CSMD1: variants seen among roughly 807,000 people sequenced by gnomAD.
CSMD1 encodes the protein CUB and Sushi multiple domains 1, also known as CUB and sushi domain-containing protein 1.
In CSMD1, 213 loss-of-function variants were observed where a neutral mutation model predicts 417.5. The observed-to-expected ratio is 0.51, with a 90% CI of 0.46 to 0.57. The LOEUF is 0.57. Among genes scored for constraint, CSMD1 ranks in the 20% least tolerant of loss-of-function variants. CSMD1 has a pLI of 0.00. For missense variants in CSMD1, 6,923 were observed against 4,529.7 expected (o/e 1.53, Z -15.17); for synonymous variants, 2,862 against 1,736.8 (o/e 1.65, Z -16.11).
At chr8:3,236,492 C>A (rs968480564) in intron 26 of CSMD1, among the ~76,000 whole-genome samples, 1 of 152,130 alleles carries the variant, frequency 6.6e-6, no homozygotes, top group Admixed American at 6.5e-5. Flanking sequence ...TCGGTTGGGT[C>A]TTTGAAACAA....
chr8:3,667,902 A>C (rs973829148), intron 7 of CSMD1, among the ~76,000 whole-genome samples: 1 of 151,938 alleles, frequency 6.6e-6, no homozygotes, highest in African/African-American at 2.4e-5. Flanking sequence ...ATCATCAAAG[A>C]CTCTGTATGT....
chr8:4,432,111 G>T (rs550087991), intron 2 of CSMD1, among the ~76,000 whole-genome samples: 5 of 152,110 alleles, frequency 3.3e-5, no homozygotes, highest in African/African-American at 1.2e-4. Context: ...AGTTCAAAAA[G>T]GTGATTATAT....
intron 3 of CSMD1, among the ~76,000 whole-genome samples, chr8:4,322,602 T>C (rs1013815924): frequency 1.3e-5 from 2 of 152,194 alleles, no homozygotes; most frequent in African/African-American, 4.8e-5. Context: ...AAAGACATGT[T>C]GTAGAAGCAG....
intron 1 of CSMD1, among the ~76,000 whole-genome samples, chr8:4,741,467 C>G (rs1048800088): frequency 6.6e-6 from 1 of 152,076 alleles, no homozygotes; most frequent in African/African-American, 2.4e-5. Context: ...ATATTTATGT[C>G]TTTCATAAAC....
In CSMD1 at chr8:4,687,226, C is replaced by G. The variant is rs928354437; in HGVS notation, c.86-49668G>C. On this transcript the variant is annotated intron_variant, in intron 1 of 69. Coordinates refer to ENST00000635120, the MANE Select transcript of CSMD1 (RefSeq NM_033225.6). ...AAGAGGCTTTCTGATGACTGCATCT[C>G]CAGGCCCCTGGTAGCCACAGGATGC... Among the ~76,000 whole-genome samples the G allele has an allele frequency of 2.6e-5, 4 of 152,266 alleles. 1 individual carries two copies. The Middle Eastern group carries it at 0.014, about 518-fold the overall frequency.
rs1166510789 is a variant in CSMD1, at chr8:4,312,441, A to G, written c.415+107512T>C. Among the ~76,000 whole-genome samples, 165 of 115,390 alleles carry G rather than the reference A, an allele frequency of 1.4e-3. 1 individual carries two copies. Among genetic ancestry groups the G allele is most frequent in the Non-Finnish European group, 1.9e-3 (112 of 60,024 alleles). The allele number at this position is 115,390 out of a possible 152,430, so 75.7% of individuals were successfully genotyped here. A position where few individuals can be genotyped will look rare whatever the true frequency, so the allele number is the denominator to read the frequency against. Reference sequence around the variant, plus strand: ...TATATGCGCGTATATATATATGCGTATATATATACGTATATATATGCGCGT... The same window carrying G: ...TATATGCGCGTATATATATATGCGTGTATATATACGTATATATATGCGCGT... On this transcript the variant is annotated intron_variant, in intron 3 of 69. Transcript: ENST00000635120.
At chr8:4,733,940 C>G (rs937504124) in intron 1 of CSMD1, among the ~76,000 whole-genome samples, 8 of 152,110 alleles carry the variant, frequency 5.3e-5, no homozygotes, top group Admixed American at 5.2e-4. Context: ...TGGTAATTAG[C>G]AAGAGGCTGT....
intron 3 of CSMD1, among the ~76,000 whole-genome samples, chr8:4,318,948 C>T (rs950921486): frequency 2.0e-5 from 3 of 152,042 alleles, no homozygotes; most frequent in African/African-American, 7.2e-5. Flanking sequence ...TTATTAAAAA[C>T]AAAATGAAAG....
intron 7 of CSMD1, among the ~76,000 whole-genome samples, chr8:3,648,658 T>G (rs1264116406): frequency 6.6e-6 from 1 of 152,192 alleles, no homozygotes; most frequent in African/African-American, 2.4e-5. Flanking sequence ...CTGACCTTAC[T>G]TTGAAACATA....
At chr8:4,043,315 G>C (rs532282042) in intron 3 of CSMD1, among the ~76,000 whole-genome samples, 1 of 151,978 alleles carries the variant, frequency 6.6e-6, no homozygotes, top group Admixed American at 6.6e-5. Context: ...AACATAAAAA[G>C]AAGAGGAAAA....
At chr8:4,392,382 A>C (rs1003803987) in intron 3 of CSMD1, among the ~76,000 whole-genome samples, 1 of 152,162 alleles carries the variant, frequency 6.6e-6, no homozygotes, top group African/African-American at 2.4e-5. Context: ...AATAGAGATT[A>C]AAATCAGAGA....
At chr8:3,325,593 G>C (rs920392353) in intron 23 of CSMD1, among the ~76,000 whole-genome samples, 1 of 152,202 alleles carries the variant, frequency 6.6e-6, no homozygotes, top group African/African-American at 2.4e-5. Context: ...GGAGGCCGAG[G>C]CGGGCAAATG....
At chr8:4,301,786 C>T (rs1403483122) in intron 3 of CSMD1, among the ~76,000 whole-genome samples, 1 of 152,166 alleles carries the variant, frequency 6.6e-6, no homozygotes, top group Non-Finnish European at 1.5e-5. Flanking sequence ...TAATTGTAAA[C>T]TCTTGATTTT....
At chr8:4,239,871 A>G (rs1563321839) in intron 3 of CSMD1, among the ~76,000 whole-genome samples, 1 of 152,228 alleles carries the variant, frequency 6.6e-6, no homozygotes, top group Non-Finnish European at 1.5e-5. Flanking sequence ...AAAACAAAGT[A>G]TCCTTATCCT....
At chr8:4,055,841 C>G (rs1018689075) in intron 3 of CSMD1, among the ~76,000 whole-genome samples, 1 of 152,060 alleles carries the variant, frequency 6.6e-6, no homozygotes, top group Non-Finnish European at 1.5e-5. Context: ...AGTTGATTTT[C>G]TTTTTTACTA....
At chr8:4,424,980 G>A (rs542025565) in intron 2 of CSMD1, among the ~76,000 whole-genome samples, 1 of 151,994 alleles carries the variant, frequency 6.6e-6, no homozygotes, top group Non-Finnish European at 1.5e-5. Context: ...AAATAATCTA[G>A]TAACCAAAAT....
rs147294292 is a variant in CSMD1 at position 3,510,858 on chromosome 8, T to G, written c.1345-17132A>C. ...TTCCCCCACTTTTTGATGGGGTTGT[T>G]TTTTCCTTGTAAATTTGTTTAAGTT... On this transcript the variant is annotated intron_variant, in intron 10 of 69. Transcript: ENST00000635120. Among the ~76,000 whole-genome samples the G allele has an allele frequency of 5.2e-3, 797 of 151,926 alleles. 9 individuals carry two copies. The highest frequency in any genetic ancestry group is 7.8e-3 in the Non-Finnish European group (533 of 68,028).
At chr8:3,377,031 CAG>C (rs1240361151) in intron 18 of CSMD1, among the ~76,000 whole-genome samples, 1 of 152,202 alleles carries the variant, frequency 6.6e-6, no homozygotes, top group Non-Finnish European at 1.5e-5. Flanking sequence ...TTTGTGGAGA[CAG>C]AGTCTTGCTC....
chr8:4,397,209 A>G (rs751235793), intron 3 of CSMD1, among the ~76,000 whole-genome samples: 47 of 152,172 alleles, frequency 3.1e-4, no homozygotes, highest in Non-Finnish European at 5.4e-4. Context: ...TTTTAAAAAA[A>G]ACAAGAACAG....
Sources: allele counts gnomAD v4.1 joint callset (sites outside exome capture counted in the v4.1 genomes callset), GRCh38; gene constraint gnomAD v4.1.1; transcripts MANE v1.5; gene names NCBI Gene and HGNC (gene_info 2026-07-23, HGNC 2026-07-21).